The following PARVA variants were observed in gnomAD, a reference collection of about 807,000 sequenced individuals.
The protein encoded by PARVA is parvin alpha.
Under a neutral mutation model 52.6 loss-of-function variants are expected in PARVA, and 25 were observed. The observed-to-expected ratio is 0.48, with a 90% CI of 0.35 to 0.66. The LOEUF is 0.66. Ranked by LOEUF, PARVA falls within the 30% of genes least tolerant of loss-of-function variation. The pLI is 0.01. For missense variants in PARVA, 373 were observed against 450.9 expected (o/e 0.83, Z 1.56); for synonymous variants, 185 against 179.1 (o/e 1.03, Z -0.26).
In PARVA at chr11:12,532,266, A is replaced by G. The variant is rs1222125314; in HGVS notation, c.*4341A>G. Among the ~76,000 whole-genome samples the G allele has an allele frequency of 6.6e-6, 1 of 152,232 alleles. No homozygotes were observed. Among genetic ancestry groups the G allele is most frequent in the African/African-American group, 2.4e-5 (1 of 41,462 alleles). On this transcript the variant is annotated 3_prime_UTR_variant, in exon 13 of 13. Transcript: ENST00000334956. ...TATTAGTAAATGTTAGATGAAAAAA[A>G]AAGTCACGTTTAAATATGTTTAGGA...
chr11:12,451,393 T>C (rs1940622009), intron 1 of PARVA, among the ~76,000 whole-genome samples: 1 of 151,888 alleles, frequency 6.6e-6, no homozygotes, highest in African/African-American at 2.4e-5. Context: ...TGCTGCTGGA[T>C]ACTCACGTCC....
intron 4 of PARVA, among the ~76,000 whole-genome samples, chr11:12,489,925 TAGG>T (rs1298450362): frequency 6.6e-6 from 1 of 152,110 alleles, no homozygotes; most frequent in Non-Finnish European, 1.5e-5. Flanking sequence ...TTTAAAAAGT[TAGG>T]AGAGGCAGCC....
At chr11:12,387,732 G>A (rs931708536) in intron 1 of PARVA, among the ~76,000 whole-genome samples, 16 of 150,794 alleles carry the variant, frequency 1.1e-4, no homozygotes, top group Admixed American at 2.6e-4. Flanking sequence ...CAGTGAGCCC[G>A]GAGGAGGCCC....
chr11:12,484,504 GGTGTGTGTGTGTGTGT>G (rs35501237), intron 4 of PARVA, among the ~76,000 whole-genome samples: 52 of 144,684 alleles, frequency 3.6e-4, no homozygotes, highest in South Asian at 2.2e-3. Context: ...GTTTTGTTTT[GGTGTGTGTGTGTGTGT>G]GTGTGTGTGT....
intron 1 of PARVA, among the ~76,000 whole-genome samples, chr11:12,391,933 G>T (rs1424897089): frequency 6.6e-6 from 1 of 151,988 alleles, no homozygotes; most frequent in Non-Finnish European, 1.5e-5. Context: ...ATTCATAGTT[G>T]TGCAACCATT....
chr11:12,401,915 C>G (rs1029813788), intron 1 of PARVA, among the ~76,000 whole-genome samples: 1 of 152,132 alleles, frequency 6.6e-6, no homozygotes, highest in Non-Finnish European at 1.5e-5. Context: ...CACTTAATTA[C>G]CTTTAAGCAG....
chr11:12,433,935 G>A (rs1054092261), intron 1 of PARVA, among the ~76,000 whole-genome samples: 3 of 152,176 alleles, frequency 2.0e-5, no homozygotes, highest in South Asian at 2.1e-4. Context: ...CAAGAATGAC[G>A]GGGAAGCTGT....
intron 12 of PARVA, among the ~76,000 whole-genome samples, chr11:12,520,089 A>T (rs1941618367): frequency 6.6e-6 from 1 of 152,216 alleles, no homozygotes; most frequent in African/African-American, 2.4e-5. Flanking sequence ...TTCCCTTGGG[A>T]CAGATAATTT....
intron 1 of PARVA, among the ~76,000 whole-genome samples, chr11:12,441,417 C>T (rs1940465161): frequency 6.6e-6 from 1 of 151,814 alleles, no homozygotes; most frequent in South Asian, 2.1e-4. Context: ...TGAGCCTTTT[C>T]CCATGACTTA....
intron 4 of PARVA, among the ~76,000 whole-genome samples, chr11:12,485,607 C>A: frequency 6.6e-6 from 1 of 151,896 alleles, no homozygotes; most frequent in African/African-American, 2.4e-5. Flanking sequence ...GTCTAAATAC[C>A]CTTAAATTGA....
intron 1 of PARVA, among the ~76,000 whole-genome samples, chr11:12,469,361 G>A (rs1237662796): frequency 6.6e-6 from 1 of 152,140 alleles, no homozygotes; most frequent in Admixed American, 6.5e-5. Context: ...CCTTCAGCTG[G>A]GCATTTGATC....
intron 1 of PARVA, among the ~76,000 whole-genome samples, chr11:12,460,332 A>G (rs1940760140): frequency 6.6e-6 from 1 of 152,184 alleles, no homozygotes. Flanking sequence ...TTCAGATTAT[A>G]TAACCTCTCT....
chr11:12,521,957 G>T lies in PARVA; in HGVS notation c.1042+3440G>T, dbSNP rs116511279. Among the ~76,000 whole-genome samples the T allele has an allele frequency of 8.7e-3, 1,318 of 152,290 alleles. 18 individuals carry two copies. Among genetic ancestry groups the T allele is most frequent in the African/African-American group, 0.03 (1,236 of 41,566 alleles). ...AAAAAAATGCAGCTGTGCTGACACC[G>T]TGATTTTATCTCAGTGAGATGGATT... On this transcript the variant is annotated intron_variant, in intron 12 of 12. Transcript: ENST00000334956.
chr11:12,434,638 A>G (rs540105117), intron 1 of PARVA, among the ~76,000 whole-genome samples: 3 of 151,382 alleles, frequency 2.0e-5, no homozygotes, highest in African/African-American at 7.3e-5. Context: ...GGTCTCTTCT[A>G]CTCTGTAACT....
intron 3 of PARVA, among the ~76,000 whole-genome samples, chr11:12,476,703 G>A (rs1941019083): frequency 6.6e-6 from 1 of 152,066 alleles, no homozygotes; most frequent in African/African-American, 2.4e-5. Context: ...CAGGACAGAG[G>A]CTGGGTCTTA....
At chr11:12,417,814 T>G (rs1376115419) in intron 1 of PARVA, among the ~76,000 whole-genome samples, 1 of 152,234 alleles carries the variant, frequency 6.6e-6, no homozygotes, top group Non-Finnish European at 1.5e-5. Context: ...CAAGCCTTCC[T>G]TCTTGCTTAT....
At chr11:12,508,108 A>AC (rs1051084732) in intron 6 of PARVA, among the ~76,000 whole-genome samples, 3 of 127,162 alleles carry the variant, frequency 2.4e-5, no homozygotes, top group African/African-American at 1.0e-4. Context: ...TTAAAAAAAA[A>AC]AAAAAAAAAA....
At chr11:12,522,694 C>T (rs2135088539) in intron 12 of PARVA, among the ~76,000 whole-genome samples, 1 of 152,102 alleles carries the variant, frequency 6.6e-6, no homozygotes, top group East Asian at 1.9e-4. Context: ...GCTGGGATTA[C>T]AGGCGTGAGC....
At chr11:12,485,633 C>T (rs1423870039) in intron 4 of PARVA, among the ~76,000 whole-genome samples, 5 of 152,144 alleles carry the variant, frequency 3.3e-5, no homozygotes, top group Non-Finnish European at 7.3e-5. Flanking sequence ...ATATAAATAA[C>T]TGAACAAATA....
Sources: allele counts gnomAD v4.1 joint callset (sites outside exome capture counted in the v4.1 genomes callset), GRCh38; gene constraint gnomAD v4.1.1; transcripts MANE v1.5; gene names NCBI Gene and HGNC (gene_info 2026-07-23, HGNC 2026-07-21).